SASH1: variants seen among roughly 807,000 people sequenced by gnomAD.
SASH1 encodes the protein SAM and SH3 domain containing 1, also known as SAM and SH3 domain-containing protein 1.
A neutral mutation model predicts 125.2 loss-of-function variants in SASH1; 44 were observed. That is an observed-to-expected ratio of 0.35 (90% CI 0.28 to 0.45). The LOEUF is 0.45. SASH1 is among the 20% of genes least tolerant of loss of function. The pLI is 1.00. For synonymous variants in SASH1, 639 were observed against 649.1 expected, an observed-to-expected ratio of 0.98 and a Z score of 0.24; for missense variants, 1,426 against 1,614.5, an observed-to-expected ratio of 0.88 and a Z score of 2.00.
At chr6:148,459,349 T>A (rs1170072718) in intron 4 of SASH1, among the ~76,000 whole-genome samples, 1 of 152,188 alleles carries the variant, frequency 6.6e-6, no homozygotes, top group Non-Finnish European at 1.5e-5. Context: ...ACTTGGATAG[T>A]CCTGGCCTTA....
intron 2 of SASH1, among the ~76,000 whole-genome samples, chr6:148,394,919 T>C (rs369730175): frequency 9.3e-4 from 142 of 152,306 alleles, no homozygotes; most frequent in African/African-American, 3.2e-3. Flanking sequence ...GCTGGGATTA[T>C]AGGCATGAGC....
rs11339749 is a variant in SASH1, at chr6:148,290,999, GTT to G, written n.74+18634_74+18635del. On this transcript the variant is annotated intron_variant and non_coding_transcript_variant, in intron 1 of 3. Transcript: ENST00000367469. ...TGCCTGCATTCTTCCACTTTATCTT[GTT>G]TTTTTTTTTTTCTGTATGAGAAAAT... Among the ~76,000 whole-genome samples the G allele has an allele frequency of 3.7e-4, 54 of 144,162 alleles. 1 individual carries two copies. The highest frequency in any genetic ancestry group is 3.6e-3 in the Middle Eastern group (1 of 280). 94.6% of individuals were successfully genotyped at this position (144,162 alleles called of 152,430 possible). A position where few individuals can be genotyped will look rare whatever the true frequency, so the allele number is the denominator to read the frequency against.
At chr6:148,323,788 G>T (rs1346689878) in intron 1 of SASH1, among the ~76,000 whole-genome samples, 1 of 152,048 alleles carries the variant, frequency 6.6e-6, no homozygotes, top group African/African-American at 2.4e-5. Context: ...ATGTATGGAG[G>T]CTACATGTGT....
intron 6 of SASH1, among the ~76,000 whole-genome samples, chr6:148,472,628 C>T (rs905549952): frequency 6.6e-6 from 1 of 152,162 alleles, no homozygotes; most frequent in East Asian, 1.9e-4. Context: ...CAGCAGGCTT[C>T]TCTCTTCACC....
chr6:148,300,915 C>T (rs769836092), intron 1 of SASH1, among the ~76,000 whole-genome samples: 50 of 152,208 alleles, frequency 3.3e-4, no homozygotes, highest in Admixed American at 2.2e-3. Flanking sequence ...ACTAGTAAAA[C>T]CCTTTTTTAT....
chr6:148,514,018 G>A, intron 8 of SASH1: 1 of 1,051,598 alleles, frequency 9.5e-7, no homozygotes, highest in Non-Finnish European at 1.1e-6. Context: ...GGAGAGTCCT[G>A]CTGGAGTCCT....
the SASH1 span, among the ~76,000 whole-genome samples, chr6:148,262,838 G>A: frequency 6.6e-6 from 1 of 152,150 alleles, no homozygotes; most frequent in South Asian, 2.1e-4. Context: ...AGCCAAGTGC[G>A]CTCCAGCCTG....
chr6:148,305,304 GA>G (rs1478467025), intron 1 of SASH1, among the ~76,000 whole-genome samples: 1 of 152,002 alleles, frequency 6.6e-6, no homozygotes, highest in African/African-American at 2.4e-5. Flanking sequence ...TTGCTCTGTG[GA>G]AACCTTGAAA....
At chr6:148,297,276 G>C (rs377728755) in intron 1 of SASH1, among the ~76,000 whole-genome samples, 60 of 152,234 alleles carry the variant, frequency 3.9e-4, no homozygotes, top group African/African-American at 1.3e-3. Flanking sequence ...TTTCCTCTTT[G>C]GTTTGTTTAT....
chr6:148,360,346 TG>T (rs1364231501), intron 1 of SASH1, among the ~76,000 whole-genome samples: 2 of 151,190 alleles, frequency 1.3e-5, no homozygotes, highest in South Asian at 2.1e-4. Context: ...TTAATGCCTT[TG>T]TTTTTTTTTT....
chr6:148,431,596 G>A (rs752797244), intron 2 of SASH1, among the ~76,000 whole-genome samples: 9 of 151,954 alleles, frequency 5.9e-5, no homozygotes, highest in Non-Finnish European at 1.3e-4. Flanking sequence ...TCCTGGCAAG[G>A]GTGAGAATGT....
chr6:148,377,946 G>A (rs1433687988), intron 1 of SASH1, among the ~76,000 whole-genome samples: 6 of 152,088 alleles, frequency 3.9e-5, no homozygotes, highest in Non-Finnish European at 7.4e-5. Flanking sequence ...AAATGAGGCC[G>A]TACACATTTA....
At chr6:148,287,215 T>C (rs1371517573) in intron 1 of SASH1, among the ~76,000 whole-genome samples, 1 of 152,142 alleles carries the variant, frequency 6.6e-6, no homozygotes, top group East Asian at 1.9e-4. Flanking sequence ...TGAGGATCAG[T>C]AGGGCAATTA....
At chr6:148,512,561 A>G (rs950742851) in intron 8 of SASH1, 2 of 985,330 alleles carry the variant, frequency 2.0e-6, no homozygotes, top group Non-Finnish European at 1.2e-6. Context: ...CAACAATCCA[A>G]CCAAGTAGAA....
chr6:148,244,862 G>A, the SASH1 span, among the ~76,000 whole-genome samples: 3 of 150,672 alleles, frequency 2.0e-5, no homozygotes, highest in Non-Finnish European at 4.4e-5. Flanking sequence ...TTTGCCCTAA[G>A]CTGTTCACAG....
chr6:148,231,740 A>G, the SASH1 span, among the ~76,000 whole-genome samples: 1 of 145,644 alleles, frequency 6.9e-6, no homozygotes, highest in East Asian at 1.9e-4. Flanking sequence ...TAATACAACT[A>G]AACTCATTCA....
intron 4 of SASH1, among the ~76,000 whole-genome samples, chr6:148,448,912 C>G (rs986271610): frequency 6.6e-6 from 1 of 152,092 alleles, no homozygotes; most frequent in Non-Finnish European, 1.5e-5. Flanking sequence ...TGCCCTTCAC[C>G]CAGACTTTTT....
At chr6:148,260,948 G>A in the SASH1 span, among the ~76,000 whole-genome samples, 1 of 151,764 alleles carries the variant, frequency 6.6e-6, no homozygotes, top group African/African-American at 2.4e-5. Context: ...GGGACTACCA[G>A]CGCGTGCCAC....
At chr6:148,494,849 A>G (rs77478114) in intron 8 of SASH1, among the ~76,000 whole-genome samples, 1,526 of 152,310 alleles carry the variant, frequency 0.01, 11 homozygotes, top group Non-Finnish European at 0.013. Context: ...GCTATTTTCA[A>G]TGTTTCCTTG....
Sources: gnomAD v4.1 joint callset for allele counts (sites outside exome capture counted in the v4.1 genomes callset) on GRCh38, gnomAD v4.1.1 for gene constraint, MANE v1.5 for transcripts, NCBI Gene and HGNC (gene_info 2026-07-23, HGNC 2026-07-21) for gene names.